Variants in RPH3AL observed in about 807,000 individuals in gnomAD.
RPH3AL encodes rabphilin 3A like (without C2 domains).
Under a neutral mutation model 43.1 loss-of-function variants are expected in RPH3AL, and 38 were observed. The observed-to-expected ratio is 0.88, with a 90% CI of 0.68 to 1.15. The LOEUF (loss-of-function observed/expected upper bound fraction) is 1.15, where lower values mean the gene tolerates loss of function less well. RPH3AL is among the 50% of genes most tolerant of loss of function. The probability of loss-of-function intolerance (pLI) is 0.00; values close to 1 mark genes in which losing one functional copy is unlikely to be tolerated. For synonymous variants in RPH3AL, 189 were observed against 176.3 expected (o/e 1.07, Z -0.57); for missense variants, 462 against 423.2 (o/e 1.09, Z -0.81).
intron 6 of RPH3AL, among the ~76,000 whole-genome samples, chr17:249,377 G>A (rs1467415743): frequency 6.6e-6 from 1 of 152,086 alleles, no homozygotes; most frequent in Non-Finnish European, 1.5e-5. Flanking sequence ...AAACACAGGA[G>A]CAGGGCTTAT....
At chr17:304,987 G>GGCT (rs1491107603) in intron 5 of RPH3AL, among the ~76,000 whole-genome samples, 10 of 35,646 alleles carry the variant, frequency 2.8e-4, no homozygotes, top group African/African-American at 1.2e-3. Context: ...GCGGGAGGGG[G>GGCT]ACAGGGCGAG....
intron 5 of RPH3AL, among the ~76,000 whole-genome samples, chr17:309,598 T>C (rs62053689): frequency 0.22 from 5,499 of 25,134 alleles, 1,431 homozygotes; most frequent in East Asian, 0.49. Flanking sequence ...CCTGCCAGCC[T>C]CCTGCTGGGG....
chr17:213,993 G>C (rs897976747), intron 9 of RPH3AL, 70 bp from the exon 10 acceptor site: 3 of 1,221,016 alleles, frequency 2.5e-6, no homozygotes, highest in Non-Finnish European at 3.5e-6. Context: ...GTGACAGCTC[G>C]GCCTTTGGGA....
intron 1 of RPH3AL, among the ~76,000 whole-genome samples, chr17:346,996 C>T (rs577066506): frequency 4.4e-5 from 6 of 135,770 alleles, no homozygotes; most frequent in South Asian, 2.4e-4. Context: ...CGGTGGCTCA[C>T]GCCTGTAATC....
rs1438665809 is a variant in RPH3AL, at chr17:319,439, A to C, written c.332T>G (p.Phe111Cys). The stretch of plus-strand genomic sequence containing the variant: ...TCTTACCTTCCTGCAGTCTTTGCAG[A>C]ACACCGACGAGCTGCCCAGGAAGCC... ...VLGFLGSSSV[F>C]CKDCRKKVCT... Residue 111 changes from phenylalanine to cysteine, a missense_variant, in exon 5 of 10, where the codon TTC (phenylalanine) becomes TGC (cysteine). Phe to Cys is a radical substitution (Grantham distance 205, BLOSUM62 -2). Transcript: ENST00000331302. The C allele has an allele frequency of 6.2e-7, 1 of 1,612,388 alleles. No homozygotes were observed. The highest frequency in any genetic ancestry group is 8.5e-7 in the Non-Finnish European group (1 of 1,179,860).
intron 5 of RPH3AL, among the ~76,000 whole-genome samples, chr17:286,705 C>T (rs1368095256): frequency 1.3e-5 from 2 of 152,168 alleles, no homozygotes; most frequent in African/African-American, 2.4e-5. Flanking sequence ...AGGACAGTCC[C>T]GGGGCCCAGG....
intron 6 of RPH3AL, among the ~76,000 whole-genome samples, chr17:253,154 A>T (rs1178236165): frequency 6.6e-6 from 1 of 152,190 alleles, no homozygotes; most frequent in Non-Finnish European, 1.5e-5. Flanking sequence ...TCAGGGCATG[A>T]GGCCACCAGA....
At chr17:298,653 C>T (rs993359545) in intron 5 of RPH3AL, among the ~76,000 whole-genome samples, 4 of 151,310 alleles carry the variant, frequency 2.6e-5, no homozygotes, top group South Asian at 2.1e-4. Flanking sequence ...TGCAGTGAGC[C>T]GAGATCAGGC....
At chr17:316,273 T>G (rs1598106898) in intron 5 of RPH3AL, among the ~76,000 whole-genome samples, 1 of 77,490 alleles carries the variant, frequency 1.3e-5, no homozygotes. Context: ...TGACTCCATC[T>G]CCAGTGATGC....
Position 332,974 on chromosome 17 carries a change from C to T in RPH3AL, c.-37+785G>A, listed in dbSNP as rs113933639. On this transcript the variant is annotated intron_variant, in intron 2 of 9. Coordinates refer to ENST00000331302, the MANE Select transcript of RPH3AL (RefSeq NM_006987.4). ...ACAGGAGTTGCCGGTGATAATTTCC[C>T]GAAAAATTCCTAGGGGACAGAGGCT... The T allele has an allele frequency of 5.5e-4, 696 of 1,269,434 alleles. 1 individual carries two copies. The African/African-American group carries it at 6.3e-3, about 12-fold the overall frequency. 78.6% of individuals were successfully genotyped at this position (1,269,434 alleles called of 1,614,324 possible).
At chr17:321,487 C>T in intron 3 of RPH3AL, 72 bp from the exon 4 acceptor site, 2 of 1,452,558 alleles carry the variant, frequency 1.4e-6, no homozygotes, top group Non-Finnish European at 1.8e-6. Context: ...ACCACATCCA[C>T]CAAGCCCCCC....
chr17:273,436 G>A lies in RPH3AL; in HGVS notation c.438+8332C>T, dbSNP rs145682993. The stretch of plus-strand genomic sequence containing the variant: ...AGGGTGAGACCCCGGCGAGGGCGAC[G>A]TCAGGAAGAGACCCCAGCGAGGGCG... On this transcript the variant is annotated intron_variant, in intron 6 of 9. Transcript: ENST00000331302. Among the ~76,000 whole-genome samples the A allele has an allele frequency of 3.6e-4, 11 of 30,548 alleles. 2 individuals are homozygous for A. Among genetic ancestry groups the A allele is most frequent in the African/African-American group, 8.0e-4 (9 of 11,266 alleles). 20.0% of individuals were successfully genotyped at this position (30,548 alleles called of 152,430 possible). A position where few individuals can be genotyped will look rare whatever the true frequency, so the allele number is the denominator to read the frequency against.
intron 6 of RPH3AL, among the ~76,000 whole-genome samples, chr17:253,810 GTGACTACCCTAC>G (rs2041991558): frequency 2.2e-5 from 2 of 89,212 alleles, no homozygotes; most frequent in African/African-American, 3.9e-5. Context: ...CCCTAGGAAC[GTGACTACCCTAC>G]GTACTTCCTA....
intron 6 of RPH3AL, among the ~76,000 whole-genome samples, chr17:268,128 C>T (rs1242590314): frequency 6.6e-6 from 1 of 152,194 alleles, no homozygotes; most frequent in Non-Finnish European, 1.5e-5. Flanking sequence ...CCATGAACCA[C>T]ATGGGCTGGA....
At chr17:242,897 G>A (rs1430839383) in intron 7 of RPH3AL, among the ~76,000 whole-genome samples, 1 of 125,482 alleles carries the variant, frequency 8.0e-6, no homozygotes, top group African/African-American at 3.0e-5. Flanking sequence ...TTCCTCTATT[G>A]ACTACCTTCC....
In RPH3AL at chr17:217,043, C is replaced by G. The variant is rs1323733908; in HGVS notation, c.728-1241G>C. On this transcript the variant is annotated intron_variant, in intron 8 of 9. Transcript: ENST00000331302. Reference sequence around the variant, plus strand: ...AATTGGCCTCGCTGAAATCAGGACCCCCAAGGCATTTCATTCCCATCTGGG... The same window carrying G: ...AATTGGCCTCGCTGAAATCAGGACCGCCAAGGCATTTCATTCCCATCTGGG... Among the ~76,000 whole-genome samples the G allele has an allele frequency of 1.3e-5, 2 of 149,456 alleles. 1 individual carries two copies. The highest frequency in any genetic ancestry group is 1.3e-4 in the Admixed American group (2 of 15,064).
chr17:252,040 G>A (rs200704991), intron 6 of RPH3AL, among the ~76,000 whole-genome samples: 2 of 151,164 alleles, frequency 1.3e-5, no homozygotes, highest in Admixed American at 6.6e-5. Context: ...TGGAGCAATC[G>A]GCTCACTGCA....
chr17:312,145 T>A (rs546565530), intron 5 of RPH3AL, among the ~76,000 whole-genome samples: 1 of 151,704 alleles, frequency 6.6e-6, no homozygotes, highest in Admixed American at 6.6e-5. Flanking sequence ...CTACAAAAAA[T>A]TAAAAATTAG....
rs1450203681 is a variant in RPH3AL, at chr17:328,459, T to C, written c.-36-880A>G. On this transcript the variant is annotated intron_variant, in intron 2 of 9. Coordinates refer to ENST00000331302, the MANE Select transcript of RPH3AL (RefSeq NM_006987.4). This position sits in a 1 kb window ranked among gnomAD's most constrained non-coding sequence, Gnocchi z 4.2. ...TCTCAAACCCAGGGCCCCTTTACAC[T>C]CTTAAAAAAGATCCAGGTTCGAAAT... 6.6e-6 allele frequency among the ~76,000 whole-genome samples: 1 copy of C among 151,846 alleles called. No homozygotes were observed.
Sources: gnomAD v4.1 joint callset for allele counts (sites outside exome capture counted in the v4.1 genomes callset) on GRCh38, gnomAD v4.1.1 for gene constraint, Gnocchi (gnomAD v3.1) non-coding constraint, MANE v1.5 for transcripts, NCBI Gene and HGNC (gene_info 2026-07-23, HGNC 2026-07-21) for gene names.